The following NPAS1 variants were observed in gnomAD, a reference collection of about 807,000 sequenced individuals.
NPAS1 encodes neuronal PAS domain-containing protein 1.
In NPAS1, 29 loss-of-function variants were observed where a neutral mutation model predicts 49.2. The observed-to-expected ratio is 0.59, with a 90% confidence interval of 0.44 to 0.80. The LOEUF is 0.80. Ranked by LOEUF, NPAS1 falls within the 30% of genes least tolerant of loss-of-function variation. The probability of loss-of-function intolerance (pLI) is 0.00; values close to 1 mark genes in which losing one functional copy is unlikely to be tolerated. For missense variants in NPAS1, 825 were observed against 835.5 expected, an observed-to-expected ratio of 0.99 and a Z score of 0.15; for synonymous variants, 408 against 380.4, an observed-to-expected ratio of 1.07 and a Z score of -0.84.
intron 11 of NPAS1, among the ~76,000 whole-genome samples, chr19:47,044,798 G>A (rs1240542686): frequency 5.3e-5 from 8 of 152,218 alleles, no homozygotes; most frequent in African/African-American, 1.9e-4. Context: ...GGGAGGCTGA[G>A]GCAGGCAGAT....
At chr19:47,044,961 C>T (rs924197104) in intron 11 of NPAS1, among the ~76,000 whole-genome samples, 1 of 152,056 alleles carries the variant, frequency 6.6e-6, no homozygotes, top group Non-Finnish European at 1.5e-5. Context: ...ACCCCAGAGG[C>T]GGAGGTTGCA....
In NPAS1 at chr19:47,036,080, C is replaced by CTCCTCT; in HGVS notation, c.645_650dup (p.Ser221_Ser222dup). On this transcript the variant is annotated inframe_insertion, in exon 6 of 12. Coordinates refer to ENST00000602212, the MANE Select transcript of NPAS1 (RefSeq NM_002517.4). ...CCGGCCCCCCAACCCCGCCCTCCGTCTCCTCTTCCTCCTCCTCTTCCTCTT... is the reference window on the plus strand; with the variant it reads ...CCGGCCCCCCAACCCCGCCCTCCGTCTCCTCTTCCTCTTCCTCCTCCTCTTCCTCTT... The CTCCTCT allele has an allele frequency of 1.3e-6, 2 of 1,586,918 alleles. No homozygotes were observed. Among genetic ancestry groups the CTCCTCT allele is most frequent in the Non-Finnish European group, 1.7e-6 (2 of 1,166,810 alleles).
intron 5 of NPAS1, among the ~76,000 whole-genome samples, chr19:47,033,598 A>G (rs1390811807): frequency 6.6e-6 from 1 of 152,168 alleles, no homozygotes; most frequent in African/African-American, 2.4e-5. Context: ...CTGAAAGATC[A>G]GTTTGCCAAT....
chr19:47,025,914 G>A (rs2056868244), intron 3 of NPAS1, among the ~76,000 whole-genome samples: 1 of 151,158 alleles, frequency 6.6e-6, no homozygotes, highest in Non-Finnish European at 1.5e-5. Context: ...GCACATCCTC[G>A]CTGAGGAAGT....
At position 47,045,339 on chromosome 19, in the gene NPAS1, G is replaced by T; in HGVS notation, c.1461G>T (p.Pro487=). Residue 487 remains proline (P), a synonymous_variant, in exon 12 of 12, where the codon CCG becomes CCT. Coordinates refer to ENST00000602212, the MANE Select transcript of NPAS1 (RefSeq NM_002517.4). ...DSGDEDPSSH[P]ATPRPEFTSV... ...GCGACGAGGATCCCTCCAGCCACCC[G>T]GCCACACCGAGGCCCGAGTTCACCT... 6.2e-7 allele frequency: 1 copy of T among 1,613,860 alleles called. No homozygotes were observed. The highest frequency in any genetic ancestry group is 1.3e-5 in the African/African-American group (1 of 75,056).
chr19:47,036,092 CTCCTCT>C lies in NPAS1; in HGVS notation c.660_665del (p.Ser221_Ser222del), dbSNP rs767100934. On this transcript the variant is annotated inframe_deletion, in exon 6 of 12. Transcript: ENST00000602212. ...CCCCGCCCTCCGTCTCCTCTTCCTC[CTCCTCT>C]TCCTCTTCGCTTGCAGATACCCCCG... 38 of 1,581,190 alleles carry C rather than the reference CTCCTCT, an allele frequency of 2.4e-5. No homozygotes were observed. Among genetic ancestry groups the C allele is most frequent in the African/African-American group, 5.4e-5 (4 of 74,102 alleles).
At chr19:47,028,478 C>T (rs955204112) in intron 3 of NPAS1, among the ~76,000 whole-genome samples, 5 of 152,036 alleles carry the variant, frequency 3.3e-5, no homozygotes, top group African/African-American at 4.8e-5. Context: ...TTTTGATGGT[C>T]GGGTAATAAC....
intron 10 of NPAS1, among the ~76,000 whole-genome samples, chr19:47,041,868 T>G (rs1437600040): frequency 6.6e-6 from 1 of 150,666 alleles, no homozygotes; most frequent in Non-Finnish European, 1.5e-5. Context: ...TGGTCCCAGC[T>G]ACAGCAGAGG....
intron 3 of NPAS1, among the ~76,000 whole-genome samples, chr19:47,029,657 T>G (rs931404536): frequency 1.8e-4 from 28 of 152,130 alleles, no homozygotes; most frequent in African/African-American, 6.3e-4. Flanking sequence ...CACCTCCGCC[T>G]CCCAAAGCAC....
At chr19:47,035,221 GGA>G in intron 5 of NPAS1, 1 of 151,824 alleles carries the variant, frequency 6.6e-6, no homozygotes, top group Non-Finnish European at 1.5e-5. Flanking sequence ...AGAAGAAGAA[GGA>G]AAGGCTTGAA....
In NPAS1 at chr19:47,021,161, C is replaced by T. The variant is rs2056837700; in HGVS notation, c.114C>T (p.Ser38=). 2.5e-6 allele frequency: 4 copies of T among 1,586,010 alleles called. No individual in the cohort carries two copies. The highest frequency in any genetic ancestry group is 1.7e-4 in the Middle Eastern group (1 of 5,730). Reference sequence around the variant, plus strand: ...CCGGGCTGATGGTCAAGGCGCCGTCCGGACCGTGGTGAGCAAAGCCCCGCC... The same window carrying T: ...CCGGGCTGATGGTCAAGGCGCCGTCTGGACCGTGGTGAGCAAAGCCCCGCC... ...FLPGLMVKAP[S]GPCLQAQRKE... The change falls in exon 2 of 12, where the codon TCC becomes TCT. Residue 38 remains serine, a synonymous_variant. Coordinates refer to ENST00000602212, the MANE Select transcript of NPAS1 (RefSeq NM_002517.4). This position sits in a 1 kb window ranked among gnomAD's most constrained non-coding sequence, Gnocchi z 5.7.
intron 10 of NPAS1, among the ~76,000 whole-genome samples, chr19:47,041,958 C>CAACACAGTGA (rs2057025836): frequency 2.9e-5 from 4 of 138,498 alleles, no homozygotes; most frequent in African/African-American, 5.7e-5. Context: ...CCAGCCTGGG[C>CAACACAGTGA]GACAGAGTGA....
At chr19:47,020,235 A>AG (rs1290215926) in intron 1 of NPAS1, among the ~76,000 whole-genome samples, 1 of 149,750 alleles carries the variant, frequency 6.7e-6, no homozygotes, top group Non-Finnish European at 1.5e-5. Context: ...TCCTGGGGTT[A>AG]GGGGGTGTTC....
intron 3 of NPAS1, among the ~76,000 whole-genome samples, chr19:47,030,636 C>CTTT (rs55931402): frequency 7.2e-5 from 7 of 96,796 alleles, no homozygotes; most frequent in East Asian, 3.2e-4. Context: ...GGCCCTTTGC[C>CTTT]TTTTTTTTTT....
intron 3 of NPAS1, among the ~76,000 whole-genome samples, chr19:47,028,304 C>G (rs1427979699): frequency 6.6e-6 from 1 of 151,960 alleles, no homozygotes; most frequent in East Asian, 1.9e-4. Flanking sequence ...CCCCAGCCCC[C>G]CAGTAATTGT....
At chr19:47,040,301 G>A (rs2057004105) in intron 8 of NPAS1, 143 bp from the exon 9 acceptor site, 1 of 605,966 alleles carries the variant, frequency 1.7e-6, no homozygotes, top group Non-Finnish European at 3.0e-6. Flanking sequence ...GGGATTACAG[G>A]TGTGAGCCAC....
rs1354460054 is a variant in NPAS1, at chr19:47,021,569, G to T, written c.123-43G>T. The T allele has an allele frequency of 7.4e-7, 1 of 1,350,976 alleles. No individual in the cohort carries two copies. The highest frequency in any genetic ancestry group is 9.7e-7 in the Non-Finnish European group (1 of 1,028,288). 83.7% of individuals were successfully genotyped at this position (1,350,976 alleles called of 1,614,324 possible). ...TCGCCCCCAGTTCCCAAGCCCCTGA[G>T]CCCCGGGGCCCCGCCGACACCTCCT... On this transcript the variant is annotated intron_variant, in intron 2 of 11. Coordinates refer to ENST00000602212, the MANE Select transcript of NPAS1 (RefSeq NM_002517.4). This position sits in a 1 kb window ranked among gnomAD's most constrained non-coding sequence, Gnocchi z 5.7.
intron 6 of NPAS1, among the ~76,000 whole-genome samples, chr19:47,036,439 A>G (rs1426645922): frequency 6.6e-6 from 1 of 151,174 alleles, no homozygotes; most frequent in Admixed American, 6.6e-5. Flanking sequence ...GTGCACAATC[A>G]CATTACATAA....
chr19:47,038,299 A>G (rs2056980834), intron 6 of NPAS1, among the ~76,000 whole-genome samples: 1 of 152,102 alleles, frequency 6.6e-6, no homozygotes, highest in Admixed American at 6.5e-5. Flanking sequence ...CGGCCAGATC[A>G]CGAGGTCAAG....
Sources: gnomAD v4.1 joint callset for allele counts (sites outside exome capture counted in the v4.1 genomes callset) on GRCh38, gnomAD v4.1.1 for gene constraint, Gnocchi (gnomAD v3.1) non-coding constraint, MANE v1.5 for transcripts, NCBI Gene and HGNC (gene_info 2026-07-23, HGNC 2026-07-21) for gene names.